Variants in FSTL4 observed in about 807,000 individuals in gnomAD.
The protein encoded by FSTL4 is follistatin-related protein 4.
Under a neutral mutation model 78.2 loss-of-function variants are expected in FSTL4, and 28 were observed. That is an observed-to-expected ratio of 0.36 (90% CI 0.27 to 0.49). FSTL4 has a LOEUF of 0.49. Among genes scored for constraint, FSTL4 ranks in the 20% least tolerant of loss-of-function variants. The pLI is 0.98. For synonymous variants in FSTL4, 422 were observed against 440.5 expected (o/e 0.96, Z 0.53); for missense variants, 922 against 1,084.9 (o/e 0.85, Z 2.11).
At chr5:133,230,976 T>C (rs1368366854) in intron 8 of FSTL4, among the ~76,000 whole-genome samples, 1 of 152,096 alleles carries the variant, frequency 6.6e-6, no homozygotes, top group Admixed American at 6.5e-5. Context: ...CTTCTCTTGG[T>C]ACCACTAGGG....
chr5:133,461,203 T>A (rs1434690554), intron 3 of FSTL4, among the ~76,000 whole-genome samples: 1 of 152,198 alleles, frequency 6.6e-6, no homozygotes, highest in Non-Finnish European at 1.5e-5. Context: ...GTGGCTCTGA[T>A]ATTAAAATTG....
rs1339748849 is a variant in FSTL4 at position 133,201,927 on chromosome 5, T to A, written c.1826+6A>T. ...GTGCCTTAGAGGCATCATGGGCCAGTCTCACCTGATGTGGTTGATGATGAG... is the reference window on the plus strand; with the variant it reads ...GTGCCTTAGAGGCATCATGGGCCAGACTCACCTGATGTGGTTGATGATGAG... On this transcript the variant is annotated splice_donor_region_variant and intron_variant, in intron 15 of 15. Transcript: ENST00000265342. The A allele has an allele frequency of 6.4e-7, 1 of 1,552,228 alleles. No homozygotes were observed. Among genetic ancestry groups the A allele is most frequent in the Non-Finnish European group, 8.8e-7 (1 of 1,130,856 alleles).
At chr5:133,333,228 G>A (rs1247565786) in intron 4 of FSTL4, among the ~76,000 whole-genome samples, 4 of 152,178 alleles carry the variant, frequency 2.6e-5, no homozygotes, top group Non-Finnish European at 4.4e-5. Flanking sequence ...CAGGGATAAA[G>A]GTTTTGGAAT....
chr5:133,718,110 T>C, the FSTL4 span, among the ~76,000 whole-genome samples: 1 of 151,968 alleles, frequency 6.6e-6, no homozygotes, highest in Admixed American at 6.6e-5. Context: ...TTTTTTTTTT[T>C]GAGATGGAGT....
chr5:133,226,459 C>A (rs536407135), intron 8 of FSTL4, among the ~76,000 whole-genome samples: 21 of 152,308 alleles, frequency 1.4e-4, no homozygotes, highest in African/African-American at 1.9e-4. Context: ...AAGGCTCCAG[C>A]ACCCTCCACA....
At chr5:133,203,983 T>TGTCA (rs1750412750) in intron 14 of FSTL4, among the ~76,000 whole-genome samples, 5 of 150,794 alleles carry the variant, frequency 3.3e-5, no homozygotes, top group African/African-American at 1.2e-4. Context: ...GATAGATAAC[T>TGTCA]GTCAAGCCCC....
At chr5:133,332,786 C>A (rs981519744) in intron 4 of FSTL4, among the ~76,000 whole-genome samples, 1 of 152,192 alleles carries the variant, frequency 6.6e-6, no homozygotes, top group African/African-American at 2.4e-5. Context: ...CAGGAGCCAT[C>A]AGCTAAATAA....
At chr5:133,237,014 G>C (rs1005866793) in intron 7 of FSTL4, among the ~76,000 whole-genome samples, 2 of 152,190 alleles carry the variant, frequency 1.3e-5, no homozygotes, top group African/African-American at 4.8e-5. Flanking sequence ...TAGCTGTCGA[G>C]GGGACTGTAC....
At chr5:133,245,523 C>G (rs1459060082) in intron 7 of FSTL4, among the ~76,000 whole-genome samples, 2 of 152,240 alleles carry the variant, frequency 1.3e-5, no homozygotes, top group African/African-American at 4.8e-5. Context: ...CTTTCTCACT[C>G]GCTTATTCCT....
chr5:133,386,134 T>C (rs1185899756), intron 4 of FSTL4, among the ~76,000 whole-genome samples: 1 of 152,184 alleles, frequency 6.6e-6, no homozygotes, highest in Non-Finnish European at 1.5e-5. Flanking sequence ...TGAAGGGCTG[T>C]CACAGAATTA....
At chr5:133,793,357 T>G in the FSTL4 span, among the ~76,000 whole-genome samples, 8 of 152,284 alleles carry the variant, frequency 5.3e-5, no homozygotes, top group Non-Finnish European at 1.2e-4. Flanking sequence ...GGCTTAGAGC[T>G]GGTGCAAAGC....
the FSTL4 span, among the ~76,000 whole-genome samples, chr5:133,634,593 C>T: frequency 6.6e-6 from 1 of 152,116 alleles, no homozygotes; most frequent in Non-Finnish European, 1.5e-5. Context: ...CTGTATTTAA[C>T]AGGAAGAATG....
At chr5:133,514,997 G>T (rs566640631) in intron 3 of FSTL4, among the ~76,000 whole-genome samples, 6 of 152,048 alleles carry the variant, frequency 3.9e-5, no homozygotes, top group African/African-American at 1.2e-4. Context: ...CAAAAACATC[G>T]CTTGAAAATG....
At position 133,479,473 on chromosome 5, in the gene FSTL4, G is replaced by A. The variant is rs1032142607; in HGVS notation, c.161-78487C>T. Among the ~76,000 whole-genome samples, 3 of 152,342 alleles carry A rather than the reference G, an allele frequency of 2.0e-5. No individual in the cohort carries two copies. The South Asian group carries it at 6.2e-4, about 32-fold the overall frequency. On this transcript the variant is annotated intron_variant, in intron 3 of 15. Coordinates refer to ENST00000265342, the MANE Select transcript of FSTL4 (RefSeq NM_015082.2). ...GCAACCAAGATGTTCATCAGCCGAT[G>A]AACGGATGCACAAAATGTGGCACAT...
intron 4 of FSTL4, among the ~76,000 whole-genome samples, chr5:133,362,334 A>G (rs954245055): frequency 6.6e-6 from 1 of 152,250 alleles, no homozygotes; most frequent in Non-Finnish European, 1.5e-5. Flanking sequence ...GAAGTGGATT[A>G]CATTGTCTAT....
the FSTL4 span, among the ~76,000 whole-genome samples, chr5:133,680,469 C>T: frequency 1.8e-3 from 267 of 152,260 alleles, 1 homozygote; most frequent in African/African-American, 6.0e-3. Flanking sequence ...TCCACATGAC[C>T]GAAAGTAAGC....
At chr5:133,556,698 T>C (rs1208972458) in intron 3 of FSTL4, among the ~76,000 whole-genome samples, 1 of 152,164 alleles carries the variant, frequency 6.6e-6, no homozygotes, top group Non-Finnish European at 1.5e-5. Flanking sequence ...ACAGCAGCCC[T>C]GGTTATAGGT....
At chr5:133,689,988 G>A in the FSTL4 span, among the ~76,000 whole-genome samples, 1 of 152,148 alleles carries the variant, frequency 6.6e-6, no homozygotes, top group African/African-American at 2.4e-5. Flanking sequence ...TCGAACCCCG[G>A]AGGCAGAGTT....
chr5:133,719,496 C>A, the FSTL4 span, among the ~76,000 whole-genome samples: 1 of 151,518 alleles, frequency 6.6e-6, no homozygotes, highest in Non-Finnish European at 1.5e-5. Context: ...ATGGGGAAAC[C>A]CCATCTCTAC....
Sources: gnomAD v4.1 joint callset for allele counts (sites outside exome capture counted in the v4.1 genomes callset) on GRCh38, gnomAD v4.1.1 for gene constraint, MANE v1.5 for transcripts, NCBI Gene and HGNC (gene_info 2026-07-23, HGNC 2026-07-21) for gene names.